Variants in GART observed in about 807,000 individuals in gnomAD.
The protein encoded by GART is phosphoribosylglycinamide formyltransferase, phosphoribosylglycinamide synthetase, phosphoribosylaminoimidazole synthetase, also known as trifunctional purine biosynthetic protein adenosine-3.
A neutral mutation model predicts 107.2 loss-of-function variants in GART; 43 were observed. That is an observed-to-expected ratio of 0.40 (90% CI 0.31 to 0.52). The LOEUF is 0.52. Ranked by LOEUF, GART falls within the 20% of genes least tolerant of loss-of-function variation. The pLI is 0.52. For missense variants in GART, 1,107 were observed against 1,206.5 expected, an observed-to-expected ratio of 0.92 and a Z score of 1.22; for synonymous variants, 434 against 427.0, an observed-to-expected ratio of 1.02 and a Z score of -0.20.
At chr21:33,521,637 A>AG in intron 12 of GART, among the ~76,000 whole-genome samples, 1 of 149,974 alleles carries the variant, frequency 6.7e-6, no homozygotes, top group South Asian at 2.1e-4. Context: ...GTCTCAAAAA[A>AG]AAAAAAAAAA....
Position 33,517,449 on chromosome 21 carries a change from C to A in GART, c.1862G>T (p.Ser621Ile). 6.2e-7 allele frequency: 1 copy of A among 1,614,170 alleles called. No homozygotes were observed. Residue 621 changes from serine (S) to isoleucine (I), a missense_variant, in exon 15 of 22, where the codon AGC (serine) becomes ATC (isoleucine). By Grantham distance (142) the Ser-to-Ile change is moderately radical. Coordinates refer to ENST00000381815, the MANE Select transcript of GART (RefSeq NM_000819.5). ...VVGIASSGLH[S>I]NGFSLVRKIV... ...TTTCCTCACAAGGCTAAATCCATTGCTATGAAGACCAGATGAAGCTATTCC... is the reference window on the plus strand; with the variant it reads ...TTTCCTCACAAGGCTAAATCCATTGATATGAAGACCAGATGAAGCTATTCC...
rs1044450123 is a variant in GART, at chr21:33,534,833, C to T, written c.242-80G>A. On this transcript the variant is annotated intron_variant, in intron 3 of 21. Transcript: ENST00000381815. ...AGCCTGAAGACGAATTAGTATCAGACTATATCTACATCTAGACAAGGCAGA... is the reference window on the plus strand; with the variant it reads ...AGCCTGAAGACGAATTAGTATCAGATTATATCTACATCTAGACAAGGCAGA... The T allele has an allele frequency of 3.3e-5, 42 of 1,258,952 alleles. No individual in the cohort carries two copies. In the South Asian group the frequency reaches 4.6e-4, roughly 14 times the overall value. 78.0% of individuals were successfully genotyped at this position (1,258,952 alleles called of 1,614,324 possible). A position where few individuals can be genotyped will look rare whatever the true frequency, so the allele number is the denominator to read the frequency against.
Position 33,516,452 on chromosome 21 carries a change from T to TTC in GART, c.2107+535_2107+536dup, listed in dbSNP as rs1293789875. The stretch of plus-strand genomic sequence containing the variant: ...AATTTATCTTCAGCATGACTTCAAC[T>TTC]TCTGCTCACAGTCACCTTGGAATAA... On this transcript the variant is annotated intron_variant, in intron 16 of 21. Transcript: ENST00000381815. Among the ~76,000 whole-genome samples, 11 of 152,290 alleles carry TTC rather than the reference T, an allele frequency of 7.2e-5. No homozygotes were observed. In the East Asian group the frequency reaches 2.1e-3, roughly 29 times the overall value.
At chr21:33,530,551 G>A (rs1458864500) in intron 7 of GART, among the ~76,000 whole-genome samples, 1 of 152,214 alleles carries the variant, frequency 6.6e-6, no homozygotes, top group African/African-American at 2.4e-5. Flanking sequence ...CTATACTTTA[G>A]ATTGGCTTAT....
chr21:33,536,396 A>G (rs1330233432), intron 2 of GART, among the ~76,000 whole-genome samples: 1 of 152,228 alleles, frequency 6.6e-6, no homozygotes, highest in East Asian at 1.9e-4. Flanking sequence ...CTGGACCACC[A>G]TTCGTTAAGT....
chr21:33,539,448 T>C (rs2085368075), intron 1 of GART, 92 bp from the exon 2 acceptor site: 4 of 921,758 alleles, frequency 4.3e-6, no homozygotes, highest in Non-Finnish European at 4.7e-6. Context: ...CCCCCAGCAT[T>C]TTGGGAGGCC....
chr21:33,506,135 ATAC>A lies in GART; in HGVS notation c.2453-34_2453-32del, dbSNP rs200424905. The A allele has an allele frequency of 4.0e-4, 641 of 1,583,716 alleles. 2 individuals carry two copies. In the African/African-American group the frequency reaches 4.8e-3, roughly 12 times the overall value. On this transcript the variant is annotated intron_variant, in intron 18 of 21. Transcript: ENST00000381815. ...AAGGGAGAAAAACAGCAGTGAGCTC[ATAC>A]TACTACTTCTTTTTTTTTTTTTGAG... is the stretch of plus-strand genomic sequence containing the variant.
At chr21:33,504,355 C>T in intron 21 of GART, 40 bp from the exon 22 acceptor site, 1 of 1,610,216 alleles carries the variant, frequency 6.2e-7, no homozygotes, top group Non-Finnish European at 8.5e-7. Context: ...TACCTTCTAG[C>T]CAGTGTCATT....
In GART at chr21:33,539,418, C is replaced by G. The variant is rs2085366720; in HGVS notation, c.-41-62G>C. 7 of 1,300,726 alleles carry G rather than the reference C, an allele frequency of 5.4e-6. No individual in the cohort carries two copies. The South Asian group carries it at 1.0e-4, about 19-fold the overall frequency. The allele number at this position is 1,300,726 out of a possible 1,614,324, so 80.6% of individuals were successfully genotyped here. A position where few individuals can be genotyped will look rare whatever the true frequency, so the allele number is the denominator to read the frequency against. The stretch of plus-strand genomic sequence containing the variant: ...CACATTTTAGAAACCCAGGGACGGG[C>G]ACAGTGGCTCATGCCTGTACCCCCA... On this transcript the variant is annotated intron_variant, in intron 1 of 21. Transcript: ENST00000381815.
intron 17 of GART, 63 bp downstream of exon 17, chr21:33,511,189 T>C (rs2084778265): frequency 6.4e-7 from 1 of 1,555,116 alleles, no homozygotes; most frequent in Non-Finnish European, 8.9e-7. Flanking sequence ...GAGGCAAGGC[T>C]GAGGTATAGC....
chr21:33,512,389 C>T (rs932738799), intron 16 of GART, among the ~76,000 whole-genome samples: 6 of 148,836 alleles, frequency 4.0e-5, no homozygotes, highest in African/African-American at 1.5e-4. Flanking sequence ...TATATACACA[C>T]ACACAACATT....
chr21:33,539,441 C>G, intron 1 of GART, 85 bp from the exon 2 acceptor site: 1 of 1,044,846 alleles, frequency 9.6e-7, no homozygotes, highest in Non-Finnish European at 1.3e-6. Flanking sequence ...GCCTGTACCC[C>G]CAGCATTTTG....
upstream of GART, chr21:33,542,678 CGT>C (rs2085474924): frequency 5.7e-6 from 1 of 175,318 alleles, no homozygotes; most frequent in South Asian, 1.1e-4. Flanking sequence ...GCCTGAAAGC[CGT>C]GTGTTAAACA....
chr21:33,524,159 T>C (rs2085024233), intron 11 of GART: 4 of 985,222 alleles, frequency 4.1e-6, no homozygotes, highest in African/African-American at 3.5e-5. Context: ...TCAAATCAAA[T>C]TACAAAGTTA....
At chr21:33,536,194 GGGTCA>G (rs1972242314) in intron 2 of GART, among the ~76,000 whole-genome samples, 1 of 152,182 alleles carries the variant, frequency 6.6e-6, no homozygotes, top group Non-Finnish European at 1.5e-5. Flanking sequence ...ATTTTGGGTT[GGGTCA>G]GGAGGGATCT....
intron 18 of GART, among the ~76,000 whole-genome samples, chr21:33,507,969 A>G (rs2084712889): frequency 6.6e-6 from 1 of 152,220 alleles, no homozygotes; most frequent in Non-Finnish European, 1.5e-5. Context: ...TGGCTGTATC[A>G]AAAGATCTCA....
rs188095821 is a variant in GART at position 33,510,565 on chromosome 21, C to T, written c.2315-645G>A. 4.6e-5 allele frequency among the ~76,000 whole-genome samples: 7 copies of T among 152,188 alleles called. No homozygotes were observed. In the East Asian group the frequency reaches 1.4e-3, roughly 29 times the overall value. Reference sequence around the variant, plus strand: ...CAGGATGGTCTTGATCTCCTGACCTCGTGATCCACCCGCTTCGGCCTCCCA... The same window carrying T: ...CAGGATGGTCTTGATCTCCTGACCTTGTGATCCACCCGCTTCGGCCTCCCA... On this transcript the variant is annotated intron_variant, in intron 17 of 21. Coordinates refer to ENST00000381815, the MANE Select transcript of GART (RefSeq NM_000819.5).
At chr21:33,527,858 CAG>C (rs2085103935) in intron 10 of GART, among the ~76,000 whole-genome samples, 1 of 152,122 alleles carries the variant, frequency 6.6e-6, no homozygotes, top group African/African-American at 2.4e-5. Flanking sequence ...CTCTGACTCT[CAG>C]AGAATCTCAT....
At chr21:33,530,203 C>G (rs754800171) in intron 7 of GART, among the ~76,000 whole-genome samples, 36 of 152,266 alleles carry the variant, frequency 2.4e-4, no homozygotes, top group East Asian at 5.8e-4. Context: ...AAAACAACAA[C>G]AAAAACAAAA....
Sources: gnomAD v4.1 joint callset for allele counts (sites outside exome capture counted in the v4.1 genomes callset) on GRCh38, gnomAD v4.1.1 for gene constraint, MANE v1.5 for transcripts, NCBI Gene and HGNC (gene_info 2026-07-23, HGNC 2026-07-21) for gene names.